Variants in MRE11 observed in about 807,000 individuals in gnomAD.
MRE11 encodes double-strand break repair protein MRE11.
A neutral mutation model predicts 91.7 loss-of-function variants in MRE11; 62 were observed. That is an observed-to-expected ratio of 0.68 (90% confidence interval 0.55 to 0.84). MRE11 has a LOEUF of 0.84. MRE11 is among the 40% of genes least tolerant of loss of function. MRE11 has a pLI of 0.00. For missense variants in MRE11, 796 were observed against 852.9 expected (o/e 0.93, Z 0.83); for synonymous variants, 273 against 271.4 (o/e 1.01, Z -0.06).
At chr11:94,451,227 A>G (rs1257225140) in intron 14 of MRE11, among the ~76,000 whole-genome samples, 1 of 152,230 alleles carries the variant, frequency 6.6e-6, no homozygotes, top group Admixed American at 6.5e-5. Flanking sequence ...CCCAAGACTT[A>G]TGAGAGAATG....
intron 4 of MRE11, among the ~76,000 whole-genome samples, chr11:94,482,802 G>T (rs1655523993): frequency 6.6e-6 from 1 of 152,164 alleles, no homozygotes. Flanking sequence ...GCTGGGCATG[G>T]TGGTGCACAC....
At chr11:94,439,823 T>G (rs1945725607) in intron 16 of MRE11, among the ~76,000 whole-genome samples, 1 of 152,186 alleles carries the variant, frequency 6.6e-6, no homozygotes, top group Admixed American at 6.5e-5. Flanking sequence ...GACACACAAC[T>G]AGTAAAATTG....
rs1330456262 is a variant in MRE11, at chr11:94,437,187, T to G, written c.1916A>C (p.Asn639Thr). 6.2e-7 allele frequency: 1 copy of G among 1,612,564 alleles called. No individual in the cohort carries two copies. Among genetic ancestry groups the G allele is most frequent in the Admixed American group, 1.7e-5 (1 of 59,976 alleles). ...QQPSRNVTTK[N>T]YSEVIEVDES... ...AACTTTTTTTCTTACCTCTGAATAA[T>G]TCTTAGTAGTGACATTTCGGGAAGG... Residue 639 changes from asparagine (N) to threonine (T), a missense_variant, in exon 17 of 20, where the codon AAT (asparagine) becomes ACT (threonine). Asn to Thr is a moderately conservative substitution (Grantham distance 65). Transcript: ENST00000323929.
intron 14 of MRE11, among the ~76,000 whole-genome samples, chr11:94,454,360 C>A (rs1300976929): frequency 6.6e-6 from 1 of 152,104 alleles, no homozygotes; most frequent in Non-Finnish European, 1.5e-5. Context: ...AGGTAAGTCA[C>A]AATGCCCAGC....
the MRE11 span, among the ~76,000 whole-genome samples, chr11:94,507,423 G>A: frequency 1.3e-5 from 2 of 152,010 alleles, no homozygotes; most frequent in Middle Eastern, 3.4e-3. Flanking sequence ...TATGAATAAC[G>A]CTGCCATAAA....
upstream of MRE11, chr11:94,498,601 C>A: frequency 2.2e-6 from 3 of 1,333,910 alleles, no homozygotes; most frequent in South Asian, 1.4e-5. Flanking sequence ...TTCCCATAAT[C>A]AAAGTTGACG....
intron 2 of MRE11, among the ~76,000 whole-genome samples, chr11:94,491,778 A>G (rs1947289812): frequency 6.6e-6 from 1 of 152,204 alleles, no homozygotes. Flanking sequence ...ATCTCTGTAT[A>G]TATCTCCAAA....
Position 94,447,351 on chromosome 11 carries a change from C to T in MRE11, c.1651G>A (p.Ala551Thr). The T allele has an allele frequency of 6.2e-7, 1 of 1,614,092 alleles. No individual in the cohort carries two copies. The highest frequency in any genetic ancestry group is 1.7e-5 in the Admixed American group (1 of 60,022). The change falls in exon 15 of 20, where the codon GCA (alanine) becomes ACA (threonine). Residue 551 changes from alanine (A) to threonine (T), a missense_variant. Ala to Thr is a moderately conservative substitution (Grantham distance 58, BLOSUM62 0). Coordinates refer to ENST00000323929, the MANE Select transcript of MRE11 (RefSeq NM_005591.4). ...TCAGAGTCATTAGCCATCTGTTCTG[C>T]TAAATCTATACTCATAAGGTCATCA... Reference protein sequence around the residue: ...SADDLMSIDLAEQMANDSDDS... With the variant: ...SADDLMSIDLTEQMANDSDDS...
chr11:94,472,667 C>T (rs972884729), intron 7 of MRE11, among the ~76,000 whole-genome samples: 1 of 152,102 alleles, frequency 6.6e-6, no homozygotes, highest in Non-Finnish European at 1.5e-5. Context: ...ATACTTAACA[C>T]AAACTTTGTT....
chr11:94,473,596 G>A (rs1286098619), intron 7 of MRE11: 1 of 152,102 alleles, frequency 6.6e-6, no homozygotes, highest in Non-Finnish European at 1.5e-5. Flanking sequence ...AGTATCTTGA[G>A]AATGCACAGG....
chr11:94,508,696 G>A, the MRE11 span, among the ~76,000 whole-genome samples: 1 of 151,214 alleles, frequency 6.6e-6, no homozygotes, highest in African/African-American at 2.4e-5. Context: ...ATGTGGTAGT[G>A]TAGATATTCC....
In MRE11 at chr11:94,420,026, C is replaced by G; in HGVS notation, c.*99G>C. The G allele has an allele frequency of 1.0e-6, 1 of 967,268 alleles. No homozygotes were observed. The highest frequency in any genetic ancestry group is 1.6e-6 in the Non-Finnish European group (1 of 632,840). 59.9% of individuals were successfully genotyped at this position (967,268 alleles called of 1,614,324 possible). A position where few individuals can be genotyped will look rare whatever the true frequency, so the allele number is the denominator to read the frequency against. ...GAAATTTCTTACTTATGGAGTTATG[C>G]TCAGGAAACAATACTTAAAATCTTA... On this transcript the variant is annotated 3_prime_UTR_variant, in exon 20 of 20. Coordinates refer to ENST00000323929, the MANE Select transcript of MRE11 (RefSeq NM_005591.4).
In MRE11 at chr11:94,445,821, G is replaced by T; in HGVS notation, c.1856C>A (p.Ser619Tyr). Residue 619 changes from serine (S) to tyrosine (Y), a missense_variant, in exon 16 of 20, where the codon TCT becomes TAT. Coordinates refer to ENST00000323929, the MANE Select transcript of MRE11 (RefSeq NM_005591.4). ...CAGTCTATACTCACCATCTATAATA[G>T]ACATATTTCTAGATGCTGACACAGC... is the stretch of plus-strand genomic sequence containing the variant. The part of the protein sequence containing the change: ...KTAVSASRNM[S>Y]IIDAFKSTRQ... 1 of 1,608,448 alleles carries T rather than the reference G, an allele frequency of 6.2e-7. No individual in the cohort carries two copies. Among genetic ancestry groups the T allele is most frequent in the South Asian group, 1.1e-5 (1 of 90,972 alleles).
At chr11:94,452,196 C>CAAAAAA (rs35238737) in intron 14 of MRE11, among the ~76,000 whole-genome samples, 1 of 94,532 alleles carries the variant, frequency 1.1e-5, no homozygotes, top group African/African-American at 4.0e-5. Context: ...GACTTTGCCT[C>CAAAAAA]AAAAAAAAAA....
chr11:94,440,997 T>C (rs1309278908), intron 16 of MRE11, among the ~76,000 whole-genome samples: 1 of 152,160 alleles, frequency 6.6e-6, no homozygotes, highest in Admixed American at 6.5e-5. Flanking sequence ...CTAGAGAGTA[T>C]TCGGCCACCT....
intron 19 of MRE11, among the ~76,000 whole-genome samples, chr11:94,421,851 A>G (rs1302874108): frequency 3.9e-5 from 6 of 152,224 alleles, no homozygotes; most frequent in Non-Finnish European, 8.8e-5. Flanking sequence ...TACCTAGAGT[A>G]GTTGAATTCA....
In MRE11 at chr11:94,459,492, T is replaced by C. The variant is rs1364227639; in HGVS notation, c.1416A>G (p.Glu472=). ...VDKEEKDAIE[E]LVKYQLEKTQ... ...TTTTTTCCAACTGGTATTTCACTAA[T>C]TCCTCAATGGCATCTTTCTCCTCCT... The change falls in exon 13 of 20, where the codon GAA becomes GAG. Residue 472 remains glutamate (E), a synonymous_variant. Transcript: ENST00000323929. The C allele has an allele frequency of 2.5e-6, 4 of 1,614,100 alleles. No individual in the cohort carries two copies. The highest frequency in any genetic ancestry group is 1.7e-4 in the Middle Eastern group (1 of 6,058).
intron 4 of MRE11, 63 bp from the exon 5 acceptor site, chr11:94,479,824 T>C (rs1386985125): frequency 3.1e-6 from 4 of 1,309,374 alleles, no homozygotes; most frequent in Non-Finnish European, 4.3e-6. Flanking sequence ...CCTAAGATTC[T>C]CCTCCAAAAT....
At chr11:94,468,141 A>G (rs959942478) in intron 9 of MRE11, among the ~76,000 whole-genome samples, 2 of 152,186 alleles carry the variant, frequency 1.3e-5, no homozygotes, top group African/African-American at 4.8e-5. Context: ...ATAAAACTTA[A>G]AATATTACTA....
Sources: gnomAD v4.1 joint callset for allele counts (sites outside exome capture counted in the v4.1 genomes callset) on GRCh38, gnomAD v4.1.1 for gene constraint, MANE v1.5 for transcripts, NCBI Gene and HGNC (gene_info 2026-07-23, HGNC 2026-07-21) for gene names.